The following CCDC186 variants were observed in gnomAD, a reference collection of about 807,000 sequenced individuals.
CCDC186 encodes coiled-coil domain containing 186, also known as coiled-coil domain-containing protein 186.
CCDC186 carries 49 observed loss-of-function variants against 113.7 expected under a neutral mutation model. The ratio of observed to expected loss-of-function variants is 0.43; its 90% CI spans 0.34 to 0.55. The LOEUF (loss-of-function observed/expected upper bound fraction) is 0.55, where lower values mean the gene tolerates loss of function less well. Ranked by LOEUF, CCDC186 falls within the 20% of genes least tolerant of loss-of-function variation. CCDC186 has a pLI of 0.02. For missense variants in CCDC186, 890 were observed against 1,011.1 expected, an observed-to-expected ratio of 0.88 and a Z score of 1.62; for synonymous variants, 355 against 345.8, an observed-to-expected ratio of 1.03 and a Z score of -0.30.
Position 114,136,103 on chromosome 10 carries a change from T to C in CCDC186, c.1425+45A>G. ...TAAGTTCTCACTATTTCTCTTTCTG[T>C]ATTTATTATGCAACTTAGGATATAT... is the stretch of plus-strand genomic sequence containing the variant. On this transcript the variant is annotated intron_variant, in intron 8 of 15. Transcript: ENST00000369287. The C allele has an allele frequency of 1.9e-6, 3 of 1,548,562 alleles. No homozygotes were observed. In the South Asian group the frequency reaches 3.4e-5, roughly 17 times the overall value.
rs112984313 is a variant in CCDC186, at chr10:114,149,754, C to A, written c.888+1338G>T. Among the ~76,000 whole-genome samples, 128 of 60,618 alleles carry A rather than the reference C, an allele frequency of 2.1e-3. 1 individual carries two copies. Among genetic ancestry groups the A allele is most frequent in the Non-Finnish European group, 3.8e-3 (102 of 26,804 alleles). The allele number at this position is 60,618 out of a possible 152,430, so 39.8% of individuals were successfully genotyped here. A position where few individuals can be genotyped will look rare whatever the true frequency, so the allele number is the denominator to read the frequency against. ...GGACGAAGGAAGGAAGGCAGGAAGGCAGGAAGGAAGGAAGGAAGGAAGGCA... is the reference window on the plus strand; with the variant it reads ...GGACGAAGGAAGGAAGGCAGGAAGGAAGGAAGGAAGGAAGGAAGGAAGGCA... On this transcript the variant is annotated intron_variant, in intron 4 of 15. Transcript: ENST00000369287.
At chr10:114,160,939 C>T (rs2032152357) in intron 2 of CCDC186, among the ~76,000 whole-genome samples, 1 of 152,098 alleles carries the variant, frequency 6.6e-6, no homozygotes, top group Non-Finnish European at 1.5e-5. Flanking sequence ...CAAACAGTTC[C>T]ATCAGGTAAG....
intron 1 of CCDC186, among the ~76,000 whole-genome samples, chr10:114,168,734 G>C (rs1471530649): frequency 6.6e-6 from 1 of 152,140 alleles, no homozygotes; most frequent in Non-Finnish European, 1.5e-5. Context: ...AGATTGGTTT[G>C]AGTAATTAAC....
intron 2 of CCDC186, among the ~76,000 whole-genome samples, chr10:114,159,107 G>A (rs1217240995): frequency 6.6e-6 from 1 of 152,142 alleles, no homozygotes; most frequent in East Asian, 1.9e-4. Flanking sequence ...TGACAGCTGA[G>A]CCTAGGAATC....
At position 114,126,039 on chromosome 10, in the gene CCDC186, G is replaced by A; in HGVS notation, c.2460C>T (p.Asn820=). Residue 820 remains asparagine, a synonymous_variant, in exon 15 of 16, where the codon AAC becomes AAT. Coordinates refer to ENST00000369287, the MANE Select transcript of CCDC186 (RefSeq NM_018017.4). ...GTLSSEASDF[N]KVHLSRRGGI... ...CACCCCGTCTACTTAAATGAACTTT[G>A]TTAAAATCAGATGCCTCTGAAGAAA... 1 of 1,613,982 alleles carries A rather than the reference G, an allele frequency of 6.2e-7. No individual in the cohort carries two copies. Among genetic ancestry groups the A allele is most frequent in the Non-Finnish European group, 8.5e-7 (1 of 1,179,948 alleles).
intron 6 of CCDC186, among the ~76,000 whole-genome samples, chr10:114,142,497 T>G (rs1381827026): frequency 1.3e-5 from 2 of 152,236 alleles, no homozygotes; most frequent in African/African-American, 2.4e-5. Context: ...GGCAAACAAG[T>G]AGATGAGGTA....
At chr10:114,136,890 G>A (rs529990955) in intron 7 of CCDC186, among the ~76,000 whole-genome samples, 12 of 152,098 alleles carry the variant, frequency 7.9e-5, no homozygotes, top group African/African-American at 2.2e-4. Flanking sequence ...AGACTGAGGC[G>A]GGTGGCTCCC....
chr10:114,149,938 A>G (rs2031796274), intron 4 of CCDC186, among the ~76,000 whole-genome samples: 1 of 152,126 alleles, frequency 6.6e-6, no homozygotes, highest in Non-Finnish European at 1.5e-5. Flanking sequence ...AAAACCAGTT[A>G]CTTCTTAAGC....
intron 3 of CCDC186, among the ~76,000 whole-genome samples, chr10:114,157,184 T>TC (rs2032035563): frequency 6.8e-6 from 1 of 147,508 alleles, no homozygotes; most frequent in Non-Finnish European, 1.5e-5. Context: ...CAGAATTTTT[T>TC]TTTTTTTTTT....
intron 2 of CCDC186, among the ~76,000 whole-genome samples, chr10:114,158,654 G>A (rs1324673193): frequency 6.6e-6 from 1 of 151,442 alleles, no homozygotes; most frequent in East Asian, 1.9e-4. Flanking sequence ...GCTGCAGTGA[G>A]CTCCACTGCA....
chr10:114,165,548 G>A (rs188260877), intron 1 of CCDC186, among the ~76,000 whole-genome samples: 3 of 152,302 alleles, frequency 2.0e-5, no homozygotes, highest in Admixed American at 2.0e-4. Flanking sequence ...AAAATTAGCT[G>A]GGCGTGGTGG....
chr10:114,165,307 A>ACTC, intron 1 of CCDC186, among the ~76,000 whole-genome samples: 1 of 152,260 alleles, frequency 6.6e-6, no homozygotes, highest in East Asian at 1.9e-4. Flanking sequence ...CCTCGTAAGT[A>ACTC]CTCTGTATTC....
At position 114,145,714 on chromosome 10, in the gene CCDC186, T is replaced by C. The variant is rs776783228; in HGVS notation, c.936A>G (p.Val312=). The change falls in exon 5 of 16, where the codon GTA becomes GTG. Residue 312 remains valine, a synonymous_variant. Coordinates refer to ENST00000369287, the MANE Select transcript of CCDC186 (RefSeq NM_018017.4). ...CCTTCTCACCTCTTACATATTTCAT[T>C]ACCATTGCTTCTTTTTCTTGGCGTG... The part of the protein sequence containing the change: ...EEARQEKEAM[V]MKYVRGEKES... The C allele has an allele frequency of 1.4e-5, 23 of 1,605,062 alleles. No individual in the cohort carries two copies. Among genetic ancestry groups the C allele is most frequent in the Non-Finnish European group, 1.9e-5 (22 of 1,178,080 alleles).
intron 6 of CCDC186, among the ~76,000 whole-genome samples, chr10:114,140,279 G>A (rs909024473): frequency 6.6e-6 from 1 of 152,202 alleles, no homozygotes; most frequent in African/African-American, 2.4e-5. Flanking sequence ...TCATTGAGAA[G>A]GTGCTAGGTG....
intron 5 of CCDC186, among the ~76,000 whole-genome samples, chr10:114,144,984 T>A (rs72823045): frequency 3.3e-5 from 5 of 152,078 alleles, no homozygotes; most frequent in South Asian, 2.1e-4. Flanking sequence ...TAAAAAAAAA[T>A]TTATCATTGA....
chr10:114,159,403 G>C (rs2032099261), intron 2 of CCDC186, among the ~76,000 whole-genome samples: 1 of 152,096 alleles, frequency 6.6e-6, no homozygotes, highest in Non-Finnish European at 1.5e-5. Flanking sequence ...CCAGCACTTT[G>C]GGAGGTGGAG....
chr10:114,137,731 C>T (rs1026624276), intron 6 of CCDC186, among the ~76,000 whole-genome samples: 4 of 151,862 alleles, frequency 2.6e-5, no homozygotes, highest in East Asian at 3.9e-4. Flanking sequence ...GGTGAAACCC[C>T]GTCTCTACTA....
chr10:114,134,929 G>C lies in CCDC186; in HGVS notation c.1639C>G (p.Gln547Glu), dbSNP rs1309764207. 2 of 1,610,840 alleles carry C rather than the reference G, an allele frequency of 1.2e-6. No homozygotes were observed. Among genetic ancestry groups the C allele is most frequent in the Non-Finnish European group, 1.7e-6 (2 of 1,179,104 alleles). Residue 547 changes from glutamine (Q) to glutamate (E), a missense_variant, in exon 10 of 16, where the codon CAG (glutamine) becomes GAG (glutamate). Coordinates refer to ENST00000369287, the MANE Select transcript of CCDC186 (RefSeq NM_018017.4). ...LDKVKTADQL[Q>E]EQLQRGKQEI... ...ATTTTGTACCTTTGAAGCTGCTCCT[G>C]TAGCTGATCTGCAGTTTTCACCTTG...
chr10:114,155,136 T>C (rs2031972605), intron 3 of CCDC186, among the ~76,000 whole-genome samples: 1 of 152,194 alleles, frequency 6.6e-6, no homozygotes, highest in African/African-American at 2.4e-5. Context: ...CATTTCTTTT[T>C]GGGGTGATGA....
Sources: gnomAD v4.1 joint callset for allele counts (sites outside exome capture counted in the v4.1 genomes callset) on GRCh38, gnomAD v4.1.1 for gene constraint, MANE v1.5 for transcripts, NCBI Gene and HGNC (gene_info 2026-07-23, HGNC 2026-07-21) for gene names.